Variants in CRY1 observed in about 807,000 individuals in gnomAD.
CRY1 encodes the protein cryptochrome-1.
A neutral mutation model predicts 76.0 loss-of-function variants in CRY1; 45 were observed. The ratio of observed to expected loss-of-function variants is 0.59; its 90% CI spans 0.47 to 0.76. The LOEUF is 0.76. Ranked by LOEUF, CRY1 falls within the 30% of genes least tolerant of loss-of-function variation. The probability of loss-of-function intolerance (pLI) is 0.00; values close to 1 mark genes in which losing one functional copy is unlikely to be tolerated. For missense variants in CRY1, 587 were observed against 716.4 expected (o/e 0.82, Z 2.06); for synonymous variants, 248 against 244.0 (o/e 1.02, Z -0.15).
In CRY1 at chr12:107,073,304, C is replaced by T. The variant is rs1397398466; in HGVS notation, c.158+19500G>A. The stretch of plus-strand genomic sequence containing the variant: ...AGGCTGGAGTGCAGCGGCGTGATCT[C>T]GGCTCACTGCATTCTGTCTCCCTGG... On this transcript the variant is annotated intron_variant, in intron 1 of 12. Transcript: ENST00000008527. Among the ~76,000 whole-genome samples, 4 of 151,906 alleles carry T rather than the reference C, an allele frequency of 2.6e-5. No individual in the cohort carries two copies. In the East Asian group the frequency reaches 7.8e-4, roughly 29 times the overall value.
rs142949465 is a variant in CRY1, at chr12:107,070,917, G to A, written c.158+21887C>T. Among the ~76,000 whole-genome samples, 219 of 150,262 alleles carry A rather than the reference G, an allele frequency of 1.5e-3. 1 individual carries two copies. The highest frequency in any genetic ancestry group is 4.4e-3 in the African/African-American group (180 of 40,790). The stretch of plus-strand genomic sequence containing the variant: ...GACAGGGTTTCACCGTGCTAACCAG[G>A]ATGATCTCGATCTCCTGACCTGGTG... On this transcript the variant is annotated intron_variant, in intron 1 of 12. Coordinates refer to ENST00000008527, the MANE Select transcript of CRY1 (RefSeq NM_004075.5).
In CRY1 at chr12:107,009,603, A is replaced by ATATATATATATATATATATAT. The variant is rs1566245681; in HGVS notation, c.268-4356_268-4355insATATATATATATATATATATA. Among the ~76,000 whole-genome samples, 8 of 7,770 alleles carry ATATATATATATATATATATAT rather than the reference A, an allele frequency of 1.0e-3. 1 individual carries two copies. Among genetic ancestry groups the ATATATATATATATATATATAT allele is most frequent in the African/African-American group, 2.3e-3 (8 of 3,504 alleles). The allele number at this position is 7,770 out of a possible 152,430, so 5.1% of individuals were successfully genotyped here. ...ATATATATATATATATATATATATA[A>ATATATATATATATATATATAT]AATCTCTATATCTCCAGGTTCACGG... On this transcript the variant is annotated intron_variant, in intron 2 of 12. Transcript: ENST00000008527.
At chr12:107,028,697 T>C (rs144304152) in intron 1 of CRY1, among the ~76,000 whole-genome samples, 206 of 152,310 alleles carry the variant, frequency 1.4e-3, no homozygotes, top group African/African-American at 4.6e-3. Context: ...GAATTAAAAC[T>C]CAGTGTCCAC....
At chr12:107,040,050 C>T (rs1024291546) in intron 1 of CRY1, among the ~76,000 whole-genome samples, 2 of 152,022 alleles carry the variant, frequency 1.3e-5, no homozygotes, top group Non-Finnish European at 2.9e-5. Context: ...TATGTGACAA[C>T]ATGGATGAAC....
chr12:107,060,871 G>A (rs999539800), intron 1 of CRY1, among the ~76,000 whole-genome samples: 7 of 152,072 alleles, frequency 4.6e-5, no homozygotes, highest in Admixed American at 1.3e-4. Flanking sequence ...CCAGCTACTC[G>A]GGAGGGTGAG....
chr12:106,992,947 C>A lies in CRY1; in HGVS notation c.1657+18G>T, dbSNP rs759137085. ...GGAAAAGGAAAAAGAACAGTATGCT[C>A]CAATGCTTCATTCTTACCTTGCTTC... On this transcript the variant is annotated intron_variant, in intron 11 of 12. Coordinates refer to ENST00000008527, the MANE Select transcript of CRY1 (RefSeq NM_004075.5). The A allele has an allele frequency of 6.2e-7, 1 of 1,613,942 alleles. No individual in the cohort carries two copies. The highest frequency in any genetic ancestry group is 8.5e-7 in the Non-Finnish European group (1 of 1,179,912).
At chr12:107,087,746 A>G (rs1953420416) in intron 1 of CRY1, among the ~76,000 whole-genome samples, 2 of 152,200 alleles carry the variant, frequency 1.3e-5, no homozygotes, top group Non-Finnish European at 2.9e-5. Context: ...AGATGATTAT[A>G]TCTTACAATA....
intron 1 of CRY1, chr12:107,043,104 A>G (rs1195813518): frequency 6.6e-6 from 1 of 152,012 alleles, no homozygotes; most frequent in Non-Finnish European, 1.5e-5. Flanking sequence ...ACTCTCCTTC[A>G]TCTCTGAGAC....
intron 1 of CRY1, among the ~76,000 whole-genome samples, chr12:107,033,020 A>T (rs1952696072): frequency 6.6e-6 from 1 of 152,092 alleles, no homozygotes; most frequent in Non-Finnish European, 1.5e-5. Flanking sequence ...AATAATTAAG[A>T]AAAAAAATGG....
At chr12:107,092,547 T>C (rs1160532184) in intron 1 of CRY1, among the ~76,000 whole-genome samples, 1 of 152,086 alleles carries the variant, frequency 6.6e-6, no homozygotes, top group South Asian at 2.1e-4. Flanking sequence ...TCTCCACAAA[T>C]TCAGGGGAGG....
At chr12:107,062,625 C>CATA (rs1953061295) in intron 1 of CRY1, among the ~76,000 whole-genome samples, 2 of 152,154 alleles carry the variant, frequency 1.3e-5, no homozygotes, top group African/African-American at 4.8e-5. Context: ...AGATCTCCCT[C>CATA]ATACATACAC....
At chr12:106,997,809 C>G in intron 8 of CRY1, 106 bp downstream of exon 8, 1 of 1,529,504 alleles carries the variant, frequency 6.5e-7, no homozygotes, top group African/African-American at 1.4e-5. Context: ...CCCTTCTCAT[C>G]TCTGCTGCCC....
chr12:107,011,546 C>A (rs1489501178), intron 2 of CRY1, among the ~76,000 whole-genome samples: 7 of 152,058 alleles, frequency 4.6e-5, no homozygotes, highest in Non-Finnish European at 8.8e-5. Context: ...CTTTAGGGGT[C>A]TGGATAGAAG....
intron 1 of CRY1, among the ~76,000 whole-genome samples, chr12:107,065,940 T>C (rs1565841552): frequency 6.6e-6 from 1 of 152,246 alleles, no homozygotes; most frequent in Admixed American, 6.5e-5. Context: ...TATTCTCCCA[T>C]GCAGTAAAAT....
intron 2 of CRY1, among the ~76,000 whole-genome samples, chr12:107,021,081 C>T (rs962619506): frequency 6.6e-5 from 10 of 152,210 alleles, no homozygotes; most frequent in Admixed American, 6.5e-5. Context: ...GTCAGGAGTT[C>T]GAGACCAGCC....
At chr12:107,059,676 A>G (rs1038577422) in intron 1 of CRY1, among the ~76,000 whole-genome samples, 1 of 151,868 alleles carries the variant, frequency 6.6e-6, no homozygotes, top group Non-Finnish European at 1.5e-5. Context: ...CAACCAGTAG[A>G]TGATGTATAC....
chr12:107,056,337 G>C (rs1952981730), intron 1 of CRY1, among the ~76,000 whole-genome samples: 1 of 152,200 alleles, frequency 6.6e-6, no homozygotes, highest in South Asian at 2.1e-4. Context: ...GAATTTATAG[G>C]CTGTAAGCAC....
At chr12:107,006,497 G>C (rs1952376065) in intron 2 of CRY1, among the ~76,000 whole-genome samples, 1 of 152,018 alleles carries the variant, frequency 6.6e-6, no homozygotes, top group African/African-American at 2.4e-5. Context: ...AAAAACAACT[G>C]ATGGATCAAA....
chr12:107,073,446 G>T (rs995974587), intron 1 of CRY1, among the ~76,000 whole-genome samples: 106 of 152,220 alleles, frequency 7.0e-4, no homozygotes, highest in African/African-American at 2.4e-3. Context: ...GCCATTACTG[G>T]CTGGGCACGG....
Sources: gnomAD v4.1 joint callset for allele counts (sites outside exome capture counted in the v4.1 genomes callset) on GRCh38, gnomAD v4.1.1 for gene constraint, MANE v1.5 for transcripts, NCBI Gene and HGNC (gene_info 2026-07-23, HGNC 2026-07-21) for gene names.